The following PDE10A variants were observed in gnomAD, a reference collection of about 807,000 sequenced individuals.
The protein encoded by PDE10A is cAMP and cAMP-inhibited cGMP 3',5'-cyclic phosphodiesterase 10A.
A neutral mutation model predicts 97.7 loss-of-function variants in PDE10A; 39 were observed. The ratio of observed to expected loss-of-function variants is 0.40; its 90% CI spans 0.31 to 0.52. PDE10A has a LOEUF of 0.52. Ranked by LOEUF, PDE10A falls within the 20% of genes least tolerant of loss-of-function variation. The pLI is 0.56. For synonymous variants in PDE10A, 371 were observed against 376.8 expected (o/e 0.98, Z 0.18); for missense variants, 731 against 1,047.8 (o/e 0.70, Z 4.17).
chr6:165,582,893 C>T (rs1785696178), intron 1 of PDE10A, among the ~76,000 whole-genome samples: 1 of 152,128 alleles, frequency 6.6e-6, no homozygotes, highest in African/African-American at 2.4e-5. Context: ...CAAGAAAACA[C>T]ACAAGTATGT....
chr6:165,952,684 G>C (rs552409015), intron 1 of PDE10A, among the ~76,000 whole-genome samples: 3 of 152,312 alleles, frequency 2.0e-5, no homozygotes, highest in South Asian at 2.1e-4. Flanking sequence ...GGCTCTGCAC[G>C]GGACGGAAAG....
chr6:165,974,556 T>C (rs1784793719), intron 1 of PDE10A, among the ~76,000 whole-genome samples: 1 of 152,184 alleles, frequency 6.6e-6, no homozygotes, highest in African/African-American at 2.4e-5. Flanking sequence ...AGAGAAGATA[T>C]CATAAGCAAT....
At chr6:165,760,379 G>A (rs1002986414) in intron 1 of PDE10A, among the ~76,000 whole-genome samples, 2 of 152,126 alleles carry the variant, frequency 1.3e-5, no homozygotes, top group Non-Finnish European at 2.9e-5. Context: ...ACACAGTGGA[G>A]GCCACTTAAT....
At chr6:165,793,814 T>G (rs1449554142) in intron 1 of PDE10A, among the ~76,000 whole-genome samples, 1 of 152,212 alleles carries the variant, frequency 6.6e-6, no homozygotes, top group Non-Finnish European at 1.5e-5. Flanking sequence ...TGCATCAAAA[T>G]TCATCGGAGG....
At chr6:165,849,342 CT>C (rs1053661499) in intron 1 of PDE10A, among the ~76,000 whole-genome samples, 1 of 152,192 alleles carries the variant, frequency 6.6e-6, no homozygotes, top group African/African-American at 2.4e-5. Context: ...TTAAATCCAC[CT>C]TTTTCTGTCT....
At chr6:165,955,738 A>G (rs1784116146) in intron 1 of PDE10A, among the ~76,000 whole-genome samples, 3 of 152,262 alleles carry the variant, frequency 2.0e-5, no homozygotes, top group Admixed American at 2.0e-4. Flanking sequence ...GAGAATTTAA[A>G]GAACTTAAAT....
intron 1 of PDE10A, among the ~76,000 whole-genome samples, chr6:165,957,200 C>A (rs1247564458): frequency 6.6e-6 from 1 of 152,154 alleles, no homozygotes; most frequent in Non-Finnish European, 1.5e-5. Flanking sequence ...AGAGCACAGG[C>A]CCAGCCCAGT....
At chr6:165,704,098 G>A (rs1035105708) in intron 1 of PDE10A, among the ~76,000 whole-genome samples, 3 of 152,200 alleles carry the variant, frequency 2.0e-5, no homozygotes, top group African/African-American at 7.2e-5. Flanking sequence ...ACAGTATGTT[G>A]TATCCTAACA....
At chr6:165,801,774 C>T (rs561695885) in intron 1 of PDE10A, among the ~76,000 whole-genome samples, 1 of 152,204 alleles carries the variant, frequency 6.6e-6, no homozygotes, top group South Asian at 2.1e-4. Context: ...TCATGTTTTC[C>T]TTATTAAACA....
At chr6:165,759,240 T>A (rs1195619923) in intron 1 of PDE10A, among the ~76,000 whole-genome samples, 2 of 152,026 alleles carry the variant, frequency 1.3e-5, no homozygotes, top group Non-Finnish European at 2.9e-5. Flanking sequence ...TGGGAAGGTA[T>A]TTTTAATAAC....
In PDE10A at chr6:165,916,446, T is replaced by C. The variant is rs542914380; in HGVS notation, c.-615+71083A>G. On this transcript the variant is annotated intron_variant, in intron 1 of 19. Transcript: ENST00000366882. ...CCCATTTCAGTTTTCTTCTGCCATA[T>C]TTCAGTGAGTTTGTCATATCGTAAA... Among the ~76,000 whole-genome samples, 83 of 152,362 alleles carry C rather than the reference T, an allele frequency of 5.4e-4. 1 individual carries two copies. Among genetic ancestry groups the C allele is most frequent in the Non-Finnish European group, 1.0e-3 (71 of 68,032 alleles).
intron 1 of PDE10A, among the ~76,000 whole-genome samples, chr6:165,742,253 C>A (rs187486527): frequency 8.6e-4 from 131 of 152,328 alleles, no homozygotes; most frequent in African/African-American, 2.8e-3. Context: ...CCTCCTAAGT[C>A]AGAATTGAAA....
At position 165,448,990 on chromosome 6, in the gene PDE10A, TAAGAA is replaced by T. The variant is rs750149304; in HGVS notation, c.1145-18_1145-14del. The T allele has an allele frequency of 1.6e-5, 26 of 1,608,880 alleles. No homozygotes were observed. Among genetic ancestry groups the T allele is most frequent in the Non-Finnish European group, 2.1e-5 (25 of 1,175,532 alleles). On this transcript the variant is annotated splice_polypyrimidine_tract_variant and intron_variant, in intron 4 of 21. Transcript: ENST00000539869. ...TCGGCTTTTGTGGCTGCCAAAGTAA[TAAGAA>T]AAGGAAGAAACTGAGCTCAGTGGGA...
intron 5 of PDE10A, among the ~76,000 whole-genome samples, chr6:165,440,533 G>C (rs1790365482): frequency 6.6e-6 from 1 of 152,182 alleles, no homozygotes; most frequent in Non-Finnish European, 1.5e-5. Flanking sequence ...AGAAAGCACA[G>C]TAACTTTGGA....
chr6:165,814,921 G>T (rs1387301445), intron 1 of PDE10A, among the ~76,000 whole-genome samples: 1 of 151,968 alleles, frequency 6.6e-6, no homozygotes, highest in Non-Finnish European at 1.5e-5. Context: ...ACCAAATACT[G>T]ATTTATCCCC....
chr6:165,369,391 G>A (rs2128199350), intron 18 of PDE10A, among the ~76,000 whole-genome samples: 1 of 151,978 alleles, frequency 6.6e-6, no homozygotes, highest in African/African-American at 2.4e-5. Context: ...TAAAGGAGCT[G>A]ATGGAGCTGA....
At chr6:165,794,887 C>A (rs528856867) in intron 1 of PDE10A, among the ~76,000 whole-genome samples, 1 of 152,304 alleles carries the variant, frequency 6.6e-6, no homozygotes, top group African/African-American at 2.4e-5. Flanking sequence ...ATGAGAAAGA[C>A]CCACAGGACT....
At chr6:165,383,417 G>A (rs1322373580) in intron 17 of PDE10A, among the ~76,000 whole-genome samples, 1 of 152,096 alleles carries the variant, frequency 6.6e-6, no homozygotes, top group Non-Finnish European at 1.5e-5. Flanking sequence ...GCTCACCTAC[G>A]TTCTTGGATG....
intron 5 of PDE10A, among the ~76,000 whole-genome samples, chr6:165,445,203 G>A (rs1182130334): frequency 6.6e-6 from 1 of 152,138 alleles, no homozygotes; most frequent in African/African-American, 2.4e-5. Flanking sequence ...TATTGCCAGC[G>A]ATACAGCAGA....
Sources: allele counts gnomAD v4.1 joint callset (sites outside exome capture counted in the v4.1 genomes callset), GRCh38; gene constraint gnomAD v4.1.1; transcripts MANE v1.5; gene names NCBI Gene and HGNC (gene_info 2026-07-23, HGNC 2026-07-21).